The following NFRKB variants were observed in gnomAD, a reference collection of about 807,000 sequenced individuals.
The protein encoded by NFRKB is nuclear factor related to kappa-B-binding protein.
Under a neutral mutation model 135.7 loss-of-function variants are expected in NFRKB, and 62 were observed. The observed-to-expected ratio is 0.46, with a 90% confidence interval of 0.37 to 0.56. NFRKB has a LOEUF of 0.56. NFRKB is among the 20% of genes least tolerant of loss of function. NFRKB has a pLI of 0.00. For missense variants in NFRKB, 1,545 were observed against 1,662.0 expected (o/e 0.93, Z 1.22); for synonymous variants, 678 against 635.6 (o/e 1.07, Z -1.00).
intron 12 of NFRKB, 40 bp downstream of exon 12, chr11:129,881,687 A>T: frequency 6.2e-7 from 1 of 1,608,354 alleles, no homozygotes. Flanking sequence ...ATTAGACAAA[A>T]GGGGGAAAAA....
chr11:129,892,695 A>C lies in NFRKB; in HGVS notation c.135+20T>G, dbSNP rs1298066741. 1.9e-6 allele frequency: 3 copies of C among 1,611,908 alleles called. No homozygotes were observed. The highest frequency in any genetic ancestry group is 2.5e-6 in the Non-Finnish European group (3 of 1,179,320). On this transcript the variant is annotated intron_variant, in intron 3 of 26. Coordinates refer to ENST00000682444, the MANE Select transcript of NFRKB (RefSeq NM_001143835.2). ...GGAAGCTGACAGAGAGGAAAAGGTCACAACCGTGTTACTACTCACATCCTC... is the reference window on the plus strand; with the variant it reads ...GGAAGCTGACAGAGAGGAAAAGGTCCCAACCGTGTTACTACTCACATCCTC...
At chr11:129,872,649 C>T in intron 23 of NFRKB, 1 of 414,548 alleles carries the variant, frequency 2.4e-6, no homozygotes, top group South Asian at 5.0e-5. Flanking sequence ...TCCAGAAACT[C>T]GACTACTGAA....
Position 129,874,439 on chromosome 11 carries a change from G to C in NFRKB, c.2058+62C>G. 2 of 1,570,954 alleles carry C rather than the reference G, an allele frequency of 1.3e-6. No individual in the cohort carries two copies. The highest frequency in any genetic ancestry group is 2.4e-5 in the South Asian group (2 of 83,680). The stretch of plus-strand genomic sequence containing the variant: ...CCCCACACCAAGTGAAAGCCGAGCA[G>C]CCACTCTTAGTTGCCTCCATCCCAG... On this transcript the variant is annotated intron_variant, in intron 20 of 26. Transcript: ENST00000682444. This position sits in a 1 kb window ranked among gnomAD's most constrained non-coding sequence, Gnocchi z 4.5.
rs192783177 is a variant in NFRKB at position 129,874,337 on chromosome 11, G to C, written c.2059-4C>G. On this transcript the variant is annotated splice_region_variant and splice_polypyrimidine_tract_variant and intron_variant, in intron 20 of 26. Coordinates refer to ENST00000682444, the MANE Select transcript of NFRKB (RefSeq NM_001143835.2). The surrounding 1 kb of genome is among the most constrained non-coding windows in gnomAD (Gnocchi z 4.5). ...AGCTCTCCTTGCTACTGGACTTCTA[G>C]AACGGAAGACAAAGAAAACTCACCT... 1.4e-5 allele frequency: 21 copies of C among 1,519,244 alleles called. No individual in the cohort carries two copies. The East Asian group carries it at 3.6e-4, about 26-fold the overall frequency. The allele number at this position is 1,519,244 out of a possible 1,614,324, so 94.1% of individuals were successfully genotyped here. A position where few individuals can be genotyped will look rare whatever the true frequency, so the allele number is the denominator to read the frequency against.
At chr11:129,882,808 G>GTGA (rs1949093110) in intron 9 of NFRKB, among the ~76,000 whole-genome samples, 177 bp from the exon 10 acceptor site, 1 of 151,830 alleles carries the variant, frequency 6.6e-6, no homozygotes. Context: ...TTTTGAGACA[G>GTGA]GATCTCACTC....
At chr11:129,884,208 T>TG (rs3214551) in intron 7 of NFRKB, 65 bp from the exon 8 acceptor site, 1,092,113 of 1,527,866 alleles carry the variant, frequency 0.71, 393,015 homozygotes, top group African/African-American at 0.92. Context: ...TCTGGTCACT[T>TG]TCAAAAGTAA....
chr11:129,888,207 A>T, intron 4 of NFRKB: 3 of 502,818 alleles, frequency 6.0e-6, no homozygotes, highest in Non-Finnish European at 7.0e-6. Flanking sequence ...TGCAGCAAAA[A>T]GTGTGTGTGT....
rs774841255 is a variant in NFRKB, at chr11:129,865,896, T to G, written c.3619A>C (p.Lys1207Gln). 1 of 1,614,108 alleles carries G rather than the reference T, an allele frequency of 6.2e-7. No individual in the cohort carries two copies. Among genetic ancestry groups the G allele is most frequent in the Non-Finnish European group, 8.5e-7 (1 of 1,180,016 alleles). ...ACTTACTTGGCTCCAAGGTTGCCTT[T>G]GATGATGGGGGCTGTGACCACGCTC... Reference protein sequence around the residue: ...GKSVVTAPIIKGNLGANLSGL... With the variant: ...GKSVVTAPIIQGNLGANLSGL... The change falls in exon 25 of 27, where the codon AAA becomes CAA. Residue 1207 changes from lysine to glutamine, a missense_variant. Around this residue, in one of 3 missense-constraint regions of NFRKB, gnomAD observed 753 missense variants for 804.3 expected, o/e 0.94. Transcript: ENST00000682444.
rs371071362 is a variant in NFRKB at position 129,874,369 on chromosome 11, G to A, written c.2059-36C>T. The A allele has an allele frequency of 2.7e-5, 41 of 1,519,030 alleles. No individual in the cohort carries two copies. Among genetic ancestry groups the A allele is most frequent in the Admixed American group, 6.8e-5 (3 of 43,830 alleles). 94.1% of individuals were successfully genotyped at this position (1,519,030 alleles called of 1,614,324 possible). On this transcript the variant is annotated intron_variant, in intron 20 of 26. Transcript: ENST00000682444. The surrounding 1 kb of genome is among the most constrained non-coding windows in gnomAD (Gnocchi z 4.5). ...AGACAAAGAAAACTCACCTGGTGTC[G>A]TGAAGATCCCCCTAAAGGAAGGGAC...
rs577223854 is a variant in NFRKB at position 129,865,972 on chromosome 11, A to T, written c.3543T>A (p.Pro1181=). The T allele has an allele frequency of 3.8e-6, 6 of 1,593,410 alleles. No homozygotes were observed. The highest frequency in any genetic ancestry group is 5.1e-6 in the Non-Finnish European group (6 of 1,170,532). The part of the protein sequence containing the change: ...VVSTSQAGKL[P]TRITVPLSVI... ...CAGAGAGGGGAACTGTGATCCGTGT[A>T]GGCAACTTCCCCTAGAAAAAAAAAG... The change falls in exon 25 of 27, where the codon CCT becomes CCA. Residue 1181 remains proline (P), a synonymous_variant. Coordinates refer to ENST00000682444, the MANE Select transcript of NFRKB (RefSeq NM_001143835.2).
chr11:129,881,221 G>A (rs533537482), intron 13 of NFRKB, among the ~76,000 whole-genome samples: 70 of 152,328 alleles, frequency 4.6e-4, no homozygotes, highest in African/African-American at 1.5e-3. Flanking sequence ...CATACAGAAA[G>A]GCTATTCCTT....
rs117293229 is a variant in NFRKB, at chr11:129,895,250, C to T, written c.-102+246G>A. Among the ~76,000 whole-genome samples, 434 of 152,340 alleles carry T rather than the reference C, an allele frequency of 2.8e-3. 4 individuals are homozygous for T. In the East Asian group the frequency reaches 0.043, roughly 15 times the overall value. ...CCTCAACTCTGCAGCAAATTCCCCT[C>T]CGGTGCCAGCCCGGCTGGCCCAAGG... On this transcript the variant is annotated intron_variant, in intron 1 of 26. Transcript: ENST00000682444.
chr11:129,890,077 A>G (rs1949485484), intron 3 of NFRKB, among the ~76,000 whole-genome samples: 1 of 148,026 alleles, frequency 6.8e-6, no homozygotes, highest in Admixed American at 6.9e-5. Context: ...TGGCTAGATC[A>G]AGGACAGGGA....
At chr11:129,865,295 T>C (rs1948138078) in intron 25 of NFRKB, among the ~76,000 whole-genome samples, 194 bp from the exon 26 acceptor site, 1 of 152,160 alleles carries the variant, frequency 6.6e-6, no homozygotes, top group South Asian at 2.1e-4. Context: ...GAGAAGACAG[T>C]AATCCCAGAA....
At chr11:129,868,490 G>T (rs1356081253) in intron 24 of NFRKB, among the ~76,000 whole-genome samples, 1 of 152,330 alleles carries the variant, frequency 6.6e-6, no homozygotes, top group Admixed American at 6.5e-5. Flanking sequence ...GGCACATGTG[G>T]ATGTGGCCTT....
At chr11:129,885,646 C>T (rs752642145) in intron 5 of NFRKB, 37 bp from the exon 6 acceptor site, 4 of 1,564,460 alleles carry the variant, frequency 2.6e-6, no homozygotes, top group East Asian at 4.5e-5. Context: ...AGTCATCATC[C>T]AAGACCTGTT....
chr11:129,871,240 T>G (rs1482033445), intron 23 of NFRKB, among the ~76,000 whole-genome samples: 1 of 152,210 alleles, frequency 6.6e-6, no homozygotes, highest in Non-Finnish European at 1.5e-5. Flanking sequence ...GTATTGTTGT[T>G]TTTTACTGGG....
chr11:129,883,996 G>GT lies in NFRKB; in HGVS notation c.816+73dup, dbSNP rs1949151773. The GT allele has an allele frequency of 3.4e-6, 5 of 1,468,784 alleles. No individual in the cohort carries two copies. In the East Asian group the frequency reaches 1.1e-4, roughly 33 times the overall value. The allele number at this position is 1,468,784 out of a possible 1,614,324, so 91.0% of individuals were successfully genotyped here. On this transcript the variant is annotated intron_variant, in intron 8 of 26. Coordinates refer to ENST00000682444, the MANE Select transcript of NFRKB (RefSeq NM_001143835.2). ...CATACAGACGAGGCAGTGATGCCCC[G>GT]TGTCTTCCTCAGGACAGCCAATCCT...
At chr11:129,881,266 T>C (rs974187826) in intron 13 of NFRKB, among the ~76,000 whole-genome samples, 177 bp downstream of exon 13, 2 of 152,208 alleles carry the variant, frequency 1.3e-5, no homozygotes, top group African/African-American at 4.8e-5. Flanking sequence ...AGGAGTTAGT[T>C]AACCCACCTT....
Sources: allele counts gnomAD v4.1 joint callset (sites outside exome capture counted in the v4.1 genomes callset), GRCh38; gene constraint gnomAD v4.1.1; regional missense constraint gnomAD v4.1.1; non-coding constraint Gnocchi (gnomAD v3.1); transcripts MANE v1.5; gene names NCBI Gene and HGNC (gene_info 2026-07-23, HGNC 2026-07-21).